Variants in ATP8A2 observed in about 807,000 individuals in gnomAD.
The protein encoded by ATP8A2 is ATPase phospholipid transporting 8A2, also known as phospholipid-transporting ATPase IB.
ATP8A2 carries 100 observed loss-of-function variants against 165.6 expected under a neutral mutation model. The observed-to-expected ratio is 0.60, with a 90% CI of 0.51 to 0.71. ATP8A2 has a LOEUF of 0.71. ATP8A2 is among the 30% of genes least tolerant of loss of function. The probability of loss-of-function intolerance (pLI) is 0.00; values close to 1 mark genes in which losing one functional copy is unlikely to be tolerated. For synonymous variants in ATP8A2, 543 were observed against 548.8 expected (o/e 0.99, Z 0.15); for missense variants, 1,227 against 1,479.5 (o/e 0.83, Z 2.80).
intron 4 of ATP8A2, among the ~76,000 whole-genome samples, 200 bp downstream of exon 4, chr13:25,530,860 A>G (rs2137906878): frequency 6.6e-6 from 1 of 152,180 alleles, no homozygotes; most frequent in Admixed American, 6.5e-5. Flanking sequence ...AACAGTTCAA[A>G]CTTTGTTTTC....
At chr13:25,889,340 C>G (rs1258039485) in intron 33 of ATP8A2, among the ~76,000 whole-genome samples, 1 of 147,486 alleles carries the variant, frequency 6.8e-6, no homozygotes, top group Non-Finnish European at 1.5e-5. Context: ...ATTGAAAATC[C>G]CCTAGGTGAA....
chr13:25,719,463 ATGGG>A (rs199530287), intron 25 of ATP8A2, among the ~76,000 whole-genome samples: 145 of 151,836 alleles, frequency 9.5e-4, no homozygotes, highest in African/African-American at 3.3e-3. Flanking sequence ...GGATGGGTGG[ATGGG>A]TGGATGGATG....
Position 26,021,821 on chromosome 13 carries a change from C to A in ATP8A2, c.*1836C>A, listed in dbSNP as rs893420757. On this transcript the variant is annotated 3_prime_UTR_variant, in exon 37 of 37. Coordinates refer to ENST00000381655, the MANE Select transcript of ATP8A2 (RefSeq NM_016529.6). ...CTCTAGAGTCGGAGGATGAGTCAAC[C>A]CTGTAGGAATGATTGTGCTAAATTA... 6.6e-6 allele frequency: 1 copy of A among 152,166 alleles called. No individual in the cohort carries two copies. Among genetic ancestry groups the A allele is most frequent in the East Asian group, 1.9e-4 (1 of 5,202 alleles). 9.4% of individuals were successfully genotyped at this position (152,166 alleles called of 1,614,324 possible).
intron 27 of ATP8A2, among the ~76,000 whole-genome samples, chr13:25,779,011 G>C (rs1469035981): frequency 6.6e-6 from 1 of 152,036 alleles, no homozygotes; most frequent in Non-Finnish European, 1.5e-5. Context: ...GGTTGCACAA[G>C]GCTGGGCACT....
chr13:25,385,045 C>G lies in ATP8A2; in HGVS notation c.76+12757C>G, dbSNP rs146503748. Among the ~76,000 whole-genome samples, 839 of 152,310 alleles carry G rather than the reference C, an allele frequency of 5.5e-3. 12 individuals are homozygous for G. The highest frequency in any genetic ancestry group is 0.019 in the African/African-American group (773 of 41,570). On this transcript the variant is annotated intron_variant, in intron 1 of 36. Coordinates refer to ENST00000381655, the MANE Select transcript of ATP8A2 (RefSeq NM_016529.6). ...CCATGTTCCATAAACAGTGGGGAAG[C>G]CGTCTCCAAAGGGCTTTAGTTAGTC... is the stretch of plus-strand genomic sequence containing the variant.
At chr13:25,747,287 C>G (rs921416158) in intron 25 of ATP8A2, among the ~76,000 whole-genome samples, 10 of 152,240 alleles carry the variant, frequency 6.6e-5, no homozygotes, top group African/African-American at 2.4e-4. Flanking sequence ...CAGGCCTCAT[C>G]TGCCGTGCTC....
intron 1 of ATP8A2, among the ~76,000 whole-genome samples, chr13:25,401,794 A>C (rs2033645315): frequency 6.6e-6 from 1 of 152,226 alleles, no homozygotes; most frequent in Admixed American, 6.5e-5. Flanking sequence ...GTAAGAGATT[A>C]ATAACAACAA....
chr13:25,653,006 T>G (rs1370045712), intron 24 of ATP8A2, among the ~76,000 whole-genome samples: 1 of 152,250 alleles, frequency 6.6e-6, no homozygotes, highest in Non-Finnish European at 1.5e-5. Context: ...TTCATCACAA[T>G]CTACATCTTC....
chr13:25,572,682 G>A (rs894269482), intron 18 of ATP8A2, among the ~76,000 whole-genome samples: 4 of 152,166 alleles, frequency 2.6e-5, no homozygotes, highest in Non-Finnish European at 1.5e-5. Context: ...CTGTTTTATT[G>A]TTGTCTGCAT....
chr13:25,842,342 A>T (rs768390996), intron 30 of ATP8A2, among the ~76,000 whole-genome samples: 1 of 152,166 alleles, frequency 6.6e-6, no homozygotes, highest in Non-Finnish European at 1.5e-5. Flanking sequence ...GAAGGCAGAT[A>T]AAAGCTGAAT....
At chr13:25,943,084 G>A (rs1319775673) in intron 33 of ATP8A2, among the ~76,000 whole-genome samples, 3 of 152,246 alleles carry the variant, frequency 2.0e-5, no homozygotes, top group South Asian at 4.2e-4. Context: ...TGCTCCATTA[G>A]AGGAACGAGA....
intron 2 of ATP8A2, among the ~76,000 whole-genome samples, chr13:25,502,399 C>G (rs1335578085): frequency 6.6e-6 from 1 of 152,170 alleles, no homozygotes; most frequent in Non-Finnish European, 1.5e-5. Flanking sequence ...AATTTACTGT[C>G]AAGTATTGAA....
chr13:25,962,010 G>T (rs1468748942), intron 34 of ATP8A2, among the ~76,000 whole-genome samples: 5 of 151,984 alleles, frequency 3.3e-5, no homozygotes, highest in African/African-American at 9.7e-5. Flanking sequence ...GGCCAACAGA[G>T]CAAGACCCTG....
intron 1 of ATP8A2, among the ~76,000 whole-genome samples, chr13:25,411,766 C>T (rs2033973471): frequency 1.3e-5 from 2 of 152,138 alleles, no homozygotes; most frequent in Non-Finnish European, 2.9e-5. Flanking sequence ...GAAGGCAGCA[C>T]ACATAACTGT....
intron 1 of ATP8A2, among the ~76,000 whole-genome samples, chr13:25,463,974 C>T (rs2035569035): frequency 6.6e-6 from 1 of 152,166 alleles, no homozygotes; most frequent in Non-Finnish European, 1.5e-5. Flanking sequence ...CTCTTGATTT[C>T]CTAACATTCT....
At chr13:25,575,168 A>G (rs181725641) in intron 19 of ATP8A2, among the ~76,000 whole-genome samples, 34 of 152,182 alleles carry the variant, frequency 2.2e-4, no homozygotes, top group Admixed American at 4.6e-4. Context: ...GGAGCATGTG[A>G]TGGGGGCATT....
intron 26 of ATP8A2, among the ~76,000 whole-genome samples, chr13:25,772,205 G>T (rs557520388): frequency 5.1e-4 from 77 of 152,162 alleles, no homozygotes; most frequent in African/African-American, 1.7e-3. Context: ...CATTCTCCTC[G>T]GGAGAATCAT....
intron 2 of ATP8A2, among the ~76,000 whole-genome samples, chr13:25,508,264 G>A (rs2037112941): frequency 1.3e-5 from 2 of 152,164 alleles, no homozygotes; most frequent in Admixed American, 1.3e-4. Flanking sequence ...TCTGAATGCA[G>A]TGCGGACTTT....
rs541674991 is a variant in ATP8A2 at position 25,512,164 on chromosome 13, T to G, written c.222-17835T>G. Among the ~76,000 whole-genome samples the G allele has an allele frequency of 2.5e-3, 385 of 151,194 alleles. 2 individuals carry two copies. Among genetic ancestry groups the G allele is most frequent in the African/African-American group, 9.0e-3 (367 of 40,978 alleles). The stretch of plus-strand genomic sequence containing the variant: ...CGCCCTTAATCCATTTAACCCTGAG[T>G]GGACACAGCACATGTTTCAGAGAGC... On this transcript the variant is annotated intron_variant, in intron 2 of 36. Transcript: ENST00000381655.
Sources: allele counts gnomAD v4.1 joint callset (sites outside exome capture counted in the v4.1 genomes callset), GRCh38; gene constraint gnomAD v4.1.1; transcripts MANE v1.5; gene names NCBI Gene and HGNC (gene_info 2026-07-23, HGNC 2026-07-21).